RBM28: variants seen among roughly 807,000 people sequenced by gnomAD.
RBM28 encodes the protein RNA-binding protein 28.
A neutral mutation model predicts 98.3 loss-of-function variants in RBM28; 78 were observed. The observed-to-expected ratio is 0.79, with a 90% CI of 0.66 to 0.96. The LOEUF (loss-of-function observed/expected upper bound fraction) is 0.96, where lower values mean the gene tolerates loss of function less well. RBM28 is among the 40% of genes least tolerant of loss of function. The pLI, the probability that RBM28 is intolerant of heterozygous loss-of-function variation, is 0.00. For synonymous variants in RBM28, 306 were observed against 330.9 expected (o/e 0.92, Z 0.82); for missense variants, 838 against 913.0 (o/e 0.92, Z 1.06).
At chr7:128,330,371 CTT>C (rs72352301) in intron 10 of RBM28, among the ~76,000 whole-genome samples, 108 of 83,482 alleles carry the variant, frequency 1.3e-3, no homozygotes, top group African/African-American at 4.8e-3. Context: ...GTCCCTGGTC[CTT>C]TTTTTTTTTT....
chr7:128,320,415 A>C (rs1260955249), intron 14 of RBM28, among the ~76,000 whole-genome samples: 1 of 149,764 alleles, frequency 6.7e-6, no homozygotes, highest in African/African-American at 2.5e-5. Context: ...CTAAAAAAAA[A>C]AAAAGAAAGG....
chr7:128,338,924 C>T, intron 3 of RBM28, 123 bp from the exon 4 acceptor site: 1 of 796,874 alleles, frequency 1.3e-6, no homozygotes, highest in Non-Finnish European at 2.1e-6. Flanking sequence ...ATTTTTGATA[C>T]TAGGACATCA....
chr7:128,320,755 A>C (rs1796213340), intron 14 of RBM28, among the ~76,000 whole-genome samples: 1 of 152,228 alleles, frequency 6.6e-6, no homozygotes, highest in Non-Finnish European at 1.5e-5. Flanking sequence ...GCAGACAGAG[A>C]TTTCCTTGCA....
rs1584630312 is a variant in RBM28 at position 128,310,083 on chromosome 7, G to A, written c.*714C>T. 1 of 152,870 alleles carries A rather than the reference G, an allele frequency of 6.5e-6. No homozygotes were observed. Among genetic ancestry groups the A allele is most frequent in the East Asian group, 1.9e-4 (1 of 5,204 alleles). The allele number at this position is 152,870 out of a possible 1,614,324, so 9.5% of individuals were successfully genotyped here. A position where few individuals can be genotyped will look rare whatever the true frequency, so the allele number is the denominator to read the frequency against. On this transcript the variant is annotated 3_prime_UTR_variant, in exon 19 of 19. Transcript: ENST00000223073. Reference sequence around the variant, plus strand: ...ATTAAGGAGGACTTAGAGAGCTAGTGGATACGATGAAAAGGGAGGTGCTCT... The same window carrying A: ...ATTAAGGAGGACTTAGAGAGCTAGTAGATACGATGAAAAGGGAGGTGCTCT...
chr7:128,343,374 A>C (rs1796770188), intron 1 of RBM28, among the ~76,000 whole-genome samples: 1 of 152,220 alleles, frequency 6.6e-6, no homozygotes, highest in African/African-American at 2.4e-5. Context: ...CCTGTATCAA[A>C]CTGATCACTG....
intron 1 of RBM28, among the ~76,000 whole-genome samples, chr7:128,340,903 C>T (rs1796709474): frequency 1.3e-5 from 2 of 152,310 alleles, no homozygotes; most frequent in African/African-American, 4.8e-5. Context: ...TAATGTCACA[C>T]AGGGTGTTAG....
intron 18 of RBM28, 140 bp from the exon 19 acceptor site, chr7:128,311,071 T>A: frequency 1.2e-6 from 1 of 835,898 alleles, no homozygotes. Flanking sequence ...AGAGAGAGAC[T>A]CTTAGAGAGA....
intron 14 of RBM28, among the ~76,000 whole-genome samples, chr7:128,319,207 C>G (rs138242511): frequency 6.6e-6 from 1 of 152,190 alleles, no homozygotes; most frequent in African/African-American, 2.4e-5. Flanking sequence ...GTGCCTAGAA[C>G]TGTCATACAC....
rs1247570896 is a variant in RBM28, at chr7:128,304,395, CAT to C, written c.*6400_*6401del. 2.6e-5 allele frequency: 4 copies of C among 152,340 alleles called. No individual in the cohort carries two copies. Among genetic ancestry groups the C allele is most frequent in the South Asian group, 2.1e-4 (1 of 4,830 alleles). 9.4% of individuals were successfully genotyped at this position (152,340 alleles called of 1,614,324 possible). ...TGGGCTGTTACTCAGTGAAAAGACA[CAT>C]GAGATGGTTCAGTGCTAACTCACCC... On this transcript the variant is annotated 3_prime_UTR_variant, in exon 19 of 19. Transcript: ENST00000223073.
intron 14 of RBM28, among the ~76,000 whole-genome samples, chr7:128,320,142 G>A (rs1450931092): frequency 8.7e-5 from 13 of 150,018 alleles, no homozygotes; most frequent in East Asian, 2.0e-4. Context: ...GCTTGAACCC[G>A]GGAGGCGGAG....
chr7:128,327,846 G>C (rs1333064145), intron 10 of RBM28, among the ~76,000 whole-genome samples: 1 of 152,188 alleles, frequency 6.6e-6, no homozygotes, highest in Non-Finnish European at 1.5e-5. Flanking sequence ...TTACCTTTCA[G>C]TAGATTCCAA....
At chr7:128,320,461 G>C (rs982354214) in intron 14 of RBM28, among the ~76,000 whole-genome samples, 4 of 151,714 alleles carry the variant, frequency 2.6e-5, no homozygotes, top group African/African-American at 9.7e-5. Flanking sequence ...AATACGCAAA[G>C]GGGAATGTGG....
chr7:128,316,565 T>C (rs1254157288), intron 16 of RBM28, among the ~76,000 whole-genome samples: 1 of 152,028 alleles, frequency 6.6e-6, no homozygotes, highest in Admixed American at 6.6e-5. Flanking sequence ...ATACAAAAAT[T>C]AGCCGGGTAT....
intron 18 of RBM28, 175 bp downstream of exon 18, chr7:128,313,000 T>A: frequency 1.5e-6 from 1 of 663,660 alleles, no homozygotes; most frequent in Non-Finnish European, 2.6e-6. Flanking sequence ...TGGAGGTTCA[T>A]TTTACTTTTT....
rs1796618359 is a variant in RBM28 at position 128,337,155 on chromosome 7, C to T, written c.589G>A (p.Asp197Asn). 1.2e-6 allele frequency: 2 copies of T among 1,614,122 alleles called. No homozygotes were observed. The highest frequency in any genetic ancestry group is 4.5e-5 in the East Asian group (2 of 44,884). The change falls in exon 6 of 19, where the codon GAT becomes AAT. Residue 197 changes from aspartate to asparagine, a missense_variant. Asp to Asn is a conservative substitution (Grantham distance 23). Coordinates refer to ENST00000223073, the MANE Select transcript of RBM28 (RefSeq NM_018077.3). ...DWAVAKDKYK[D>N]TQSVSAIGEE... ...CCTATAGCAGAAACAGACTGTGTAT[C>T]TTTATATTTATCCTTTGCCACGGCC...
At position 128,343,734 on chromosome 7, in the gene RBM28, C is replaced by G. The variant is rs1177251744; in HGVS notation, c.60G>C (p.Leu20=). The change falls in exon 1 of 19, where the codon CTG becomes CTC. Residue 20 remains leucine (L), a synonymous_variant. Coordinates refer to ENST00000223073, the MANE Select transcript of RBM28 (RefSeq NM_018077.3). ...GCCCCACCTGACTGAACAGTTCCTC[C>G]AGCTGCTCACTGCGGGCCGAGGGCG... is the stretch of plus-strand genomic sequence containing the variant. ...RLPPSARSEQ[L]EELFSQVGPV... 2.5e-6 allele frequency: 4 copies of G among 1,611,400 alleles called. No individual in the cohort carries two copies. The highest frequency in any genetic ancestry group is 3.4e-6 in the Non-Finnish European group (4 of 1,178,706).
At chr7:128,313,368 TAAGTGAAGTCATTCTAAA>T in intron 17 of RBM28, 94 bp from the exon 18 acceptor site, 1 of 1,216,714 alleles carries the variant, frequency 8.2e-7, no homozygotes, top group South Asian at 1.2e-5. Flanking sequence ...AAGCCCATGA[TAAGTGAAGTCATTCTAAA>T]AAGGGATACT....
chr7:128,325,325 G>A (rs1190408436), intron 11 of RBM28, among the ~76,000 whole-genome samples: 1 of 152,200 alleles, frequency 6.6e-6, no homozygotes, highest in Non-Finnish European at 1.5e-5. Flanking sequence ...CCAGGCAAAT[G>A]TCTAGTATTG....
At position 128,301,433 on chromosome 7, in the gene RBM28, C is replaced by T. The variant is rs1201789170; in HGVS notation, c.*9364G>A. On this transcript the variant is annotated 3_prime_UTR_variant, in exon 19 of 19. Coordinates refer to ENST00000223073, the MANE Select transcript of RBM28 (RefSeq NM_018077.3). ...CAGGGCTGCAGCATCAGCAGCCTCT[C>T]TTGCCTGTCCGTCAGCACTGACAGG... 3 of 151,962 alleles carry T rather than the reference C, an allele frequency of 2.0e-5. No homozygotes were observed. The highest frequency in any genetic ancestry group is 2.9e-5 in the Non-Finnish European group (2 of 67,942). The allele number at this position is 151,962 out of a possible 1,614,324, so 9.4% of individuals were successfully genotyped here.
Sources: allele counts gnomAD v4.1 joint callset (sites outside exome capture counted in the v4.1 genomes callset), GRCh38; gene constraint gnomAD v4.1.1; transcripts MANE v1.5; gene names NCBI Gene and HGNC (gene_info 2026-07-23, HGNC 2026-07-21).